The following TRPC4AP variants were observed in gnomAD, a reference collection of about 807,000 sequenced individuals.
TRPC4AP encodes the protein transient receptor potential cation channel subfamily C member 4 associated protein.
In TRPC4AP, 45 loss-of-function variants were observed where a neutral mutation model predicts 99.0. The ratio of observed to expected loss-of-function variants is 0.45; its 90% confidence interval spans 0.36 to 0.58. TRPC4AP has a LOEUF of 0.58. Ranked by LOEUF, TRPC4AP falls within the 20% of genes least tolerant of loss-of-function variation. TRPC4AP has a pLI of 0.00. For missense variants in TRPC4AP, 879 were observed against 985.3 expected, an observed-to-expected ratio of 0.89 and a Z score of 1.44; for synonymous variants, 408 against 385.8, an observed-to-expected ratio of 1.06 and a Z score of -0.67.
At chr20:35,019,310 G>A (rs1292893072) in intron 9 of TRPC4AP, among the ~76,000 whole-genome samples, 1 of 152,134 alleles carries the variant, frequency 6.6e-6, no homozygotes, top group African/African-American at 2.4e-5. Context: ...GGTCATTAGT[G>A]GTCCCTTCCC....
intron 8 of TRPC4AP, among the ~76,000 whole-genome samples, chr20:35,034,626 A>G (rs546893473): frequency 6.6e-6 from 1 of 152,322 alleles, no homozygotes; most frequent in African/African-American, 2.4e-5. Flanking sequence ...CCTGCTGGCC[A>G]GAGTCAAATG....
intron 8 of TRPC4AP, among the ~76,000 whole-genome samples, chr20:35,033,821 T>C (rs1318479175): frequency 2.2e-5 from 2 of 91,720 alleles, no homozygotes; most frequent in Non-Finnish European, 4.6e-5. Context: ...GCAAAACCCG[T>C]CTCTATTCAA....
intron 5 of TRPC4AP, among the ~76,000 whole-genome samples, chr20:35,050,321 T>TA (rs1340481923): frequency 6.6e-6 from 1 of 152,214 alleles, no homozygotes; most frequent in African/African-American, 2.4e-5. Context: ...AGCATGGACT[T>TA]AAGAGTCAGA....
At chr20:35,062,579 A>G (rs535682676) in intron 3 of TRPC4AP, among the ~76,000 whole-genome samples, 1 of 152,344 alleles carries the variant, frequency 6.6e-6, no homozygotes, top group African/African-American at 2.4e-5. Context: ...AGCCAGTCAC[A>G]AAAGACCACG....
At chr20:35,016,292 C>T (rs1600516805) in intron 9 of TRPC4AP, among the ~76,000 whole-genome samples, 153 bp from the exon 10 acceptor site, 1 of 139,654 alleles carries the variant, frequency 7.2e-6, no homozygotes, top group South Asian at 2.1e-4. Flanking sequence ...TCCGTGTATC[C>T]CCTATGCCCA....
At chr20:35,024,854 A>AAAAACAAAAAAACAT (rs1479270980) in intron 8 of TRPC4AP, among the ~76,000 whole-genome samples, 1 of 89,480 alleles carries the variant, frequency 1.1e-5, no homozygotes, top group African/African-American at 3.9e-5. Flanking sequence ...AAAAAAAAAA[A>AAAAACAAAAAAACAT]ATTCTGTTTA....
At chr20:35,063,508 C>A (rs1378552089) in intron 3 of TRPC4AP, among the ~76,000 whole-genome samples, 1 of 152,060 alleles carries the variant, frequency 6.6e-6, no homozygotes, top group African/African-American at 2.4e-5. Context: ...GTTATCACTG[C>A]ACAATACTGA....
chr20:35,090,847 G>C (rs1156678145), intron 1 of TRPC4AP, among the ~76,000 whole-genome samples: 1 of 152,156 alleles, frequency 6.6e-6, no homozygotes, highest in Non-Finnish European at 1.5e-5. Context: ...ACCTCTCTGA[G>C]CCTCAGTTTC....
intron 5 of TRPC4AP, among the ~76,000 whole-genome samples, chr20:35,054,527 C>G (rs898090696): frequency 6.6e-6 from 1 of 152,182 alleles, no homozygotes; most frequent in African/African-American, 2.4e-5. Context: ...TACCAGATTG[C>G]TTTCTTTATT....
In TRPC4AP at chr20:35,057,582, A is replaced by C. The variant is rs774346628; in HGVS notation, c.415-11T>G. ...AATTTCTACAAGAAGCTATAAAAAA[A>C]ATTAGATAAAATCTTCAAAATTAAT... is the stretch of plus-strand genomic sequence containing the variant. On this transcript the variant is annotated splice_polypyrimidine_tract_variant and intron_variant, in intron 3 of 18. Coordinates refer to ENST00000252015, the MANE Select transcript of TRPC4AP (RefSeq NM_015638.3). 9 of 1,598,394 alleles carry C rather than the reference A, an allele frequency of 5.6e-6. No individual in the cohort carries two copies. In the Admixed American group the frequency reaches 6.8e-5, roughly 12 times the overall value.
chr20:35,019,435 G>A (rs1049629630), intron 9 of TRPC4AP, among the ~76,000 whole-genome samples: 3 of 152,184 alleles, frequency 2.0e-5, no homozygotes, highest in African/African-American at 7.2e-5. Context: ...AGAAAGAGGA[G>A]ACAGGGCAGC....
At chr20:35,066,447 C>T (rs1569137865) in intron 3 of TRPC4AP, among the ~76,000 whole-genome samples, 2 of 152,112 alleles carry the variant, frequency 1.3e-5, no homozygotes, top group Non-Finnish European at 2.9e-5. Context: ...CACTGAACAC[C>T]ATTCCTGTAC....
chr20:35,035,373 C>G (rs1476589553), intron 7 of TRPC4AP, 65 bp from the exon 8 acceptor site: 5 of 1,502,748 alleles, frequency 3.3e-6, no homozygotes, highest in Non-Finnish European at 4.5e-6. Context: ...CCCCTAAAGC[C>G]CTAACAAACA....
chr20:35,041,127 CT>C (rs67627695), intron 7 of TRPC4AP, among the ~76,000 whole-genome samples: 57,477 of 147,370 alleles, frequency 0.39, 12,915 homozygotes, highest in East Asian at 0.59. Flanking sequence ...GCCTCCAGAA[CT>C]GTGAGAAAAA....
intron 16 of TRPC4AP, 132 bp from the exon 17 acceptor site, chr20:35,004,702 A>C: frequency 1.4e-6 from 1 of 706,416 alleles, no homozygotes; most frequent in Non-Finnish European, 2.4e-6. Flanking sequence ...CTTCAACGAA[A>C]GCTGACTGTG....
intron 9 of TRPC4AP, among the ~76,000 whole-genome samples, chr20:35,020,208 T>C (rs1284372551): frequency 2.0e-5 from 3 of 152,204 alleles, no homozygotes; most frequent in African/African-American, 7.2e-5. Context: ...GGCCCTATTA[T>C]GAGGGCCCCT....
At chr20:35,047,554 G>A (rs943950878) in intron 6 of TRPC4AP, among the ~76,000 whole-genome samples, 3 of 152,116 alleles carry the variant, frequency 2.0e-5, no homozygotes, top group Non-Finnish European at 2.9e-5. Context: ...CTGAAACAAC[G>A]AAGCTACAAA....
chr20:35,078,314 T>A lies in TRPC4AP; in HGVS notation c.169-140A>T, dbSNP rs542638677. ...TAAGCACTACTATAAAAAGCCTCTT[T>A]CTATAAATCTTCAAAACCTCCCCAA... On this transcript the variant is annotated intron_variant, in intron 1 of 18. Coordinates refer to ENST00000252015, the MANE Select transcript of TRPC4AP (RefSeq NM_015638.3). 4.8e-6 allele frequency: 4 copies of A among 828,510 alleles called. No homozygotes were observed. The South Asian group carries it at 5.9e-5, about 12-fold the overall frequency. 51.3% of individuals were successfully genotyped at this position (828,510 alleles called of 1,614,324 possible).
intron 1 of TRPC4AP, among the ~76,000 whole-genome samples, chr20:35,080,738 A>C (rs2084618589): frequency 6.6e-6 from 1 of 151,476 alleles, no homozygotes; most frequent in Non-Finnish European, 1.5e-5. Flanking sequence ...AATATTCTAA[A>C]ATTGATCGTG....
Sources: gnomAD v4.1 joint callset for allele counts (sites outside exome capture counted in the v4.1 genomes callset) on GRCh38, gnomAD v4.1.1 for gene constraint, MANE v1.5 for transcripts, NCBI Gene and HGNC (gene_info 2026-07-23, HGNC 2026-07-21) for gene names.